Variants in FRMD3 observed in about 807,000 individuals in gnomAD.
The protein encoded by FRMD3 is FERM domain containing 3.
A neutral mutation model predicts 70.2 loss-of-function variants in FRMD3; 33 were observed. The observed-to-expected ratio is 0.47, with a 90% CI of 0.36 to 0.63. The LOEUF (loss-of-function observed/expected upper bound fraction) is 0.63, where lower values mean the gene tolerates loss of function less well. Ranked by LOEUF, FRMD3 falls within the 20% of genes least tolerant of loss-of-function variation. The pLI is 0.00. For missense variants in FRMD3, 632 were observed against 711.4 expected (o/e 0.89, Z 1.27); for synonymous variants, 279 against 255.9 (o/e 1.09, Z -0.86).
chr9:83,406,144 G>A (rs969587933), intron 1 of FRMD3, among the ~76,000 whole-genome samples: 1 of 152,018 alleles, frequency 6.6e-6, no homozygotes, highest in Non-Finnish European at 1.5e-5. Flanking sequence ...AGGAGTCTTC[G>A]GATCTCACAG....
chr9:83,314,417 T>A, intron 6 of FRMD3, among the ~76,000 whole-genome samples: 1 of 152,224 alleles, frequency 6.6e-6, no homozygotes, highest in East Asian at 1.9e-4. Flanking sequence ...CCTACATGTA[T>A]TTTAGAGAAT....
At chr9:83,353,506 C>G (rs1824233316) in intron 3 of FRMD3, among the ~76,000 whole-genome samples, 1 of 152,052 alleles carries the variant, frequency 6.6e-6, no homozygotes, top group Non-Finnish European at 1.5e-5. Context: ...CTTTTTATCC[C>G]CAGAGCTGAT....
At chr9:83,301,239 C>T (rs1275936987) in intron 10 of FRMD3, among the ~76,000 whole-genome samples, 4 of 152,130 alleles carry the variant, frequency 2.6e-5, no homozygotes, top group Non-Finnish European at 4.4e-5. Context: ...TGAGATGGTC[C>T]CAGCTGTGCC....
At position 83,351,389 on chromosome 9, in the gene FRMD3, C is replaced by A. The variant is rs1032707069; in HGVS notation, c.296-1632G>T. ...TTCATTCAACGCCCTACTTCCCTAC[C>A]AACAACTAGCAAAATTCTTAACTGA... On this transcript the variant is annotated intron_variant, in intron 3 of 13. Coordinates refer to ENST00000304195, the MANE Select transcript of FRMD3 (RefSeq NM_174938.6). Among the ~76,000 whole-genome samples, 6 of 148,622 alleles carry A rather than the reference C, an allele frequency of 4.0e-5. No homozygotes were observed. In the South Asian group the frequency reaches 8.5e-4, roughly 21 times the overall value.
At chr9:83,571,581 T>C in the FRMD3 span, among the ~76,000 whole-genome samples, 4 of 152,222 alleles carry the variant, frequency 2.6e-5, no homozygotes, top group East Asian at 7.7e-4. Flanking sequence ...AGATTTCAAG[T>C]AGACGGTTGG....
chr9:83,369,613 T>C (rs1824905046), intron 3 of FRMD3, among the ~76,000 whole-genome samples: 1 of 145,478 alleles, frequency 6.9e-6, no homozygotes, highest in African/African-American at 2.5e-5. Flanking sequence ...AATAAATAAA[T>C]AAATAAATAA....
chr9:83,544,414 C>T, the FRMD3 span, among the ~76,000 whole-genome samples: 1 of 152,166 alleles, frequency 6.6e-6, no homozygotes, highest in African/African-American at 2.4e-5. Flanking sequence ...CAGCTTGACT[C>T]AGCTTTGGCC....
chr9:83,268,965 A>C (rs1213598446), intron 13 of FRMD3, among the ~76,000 whole-genome samples: 2 of 152,244 alleles, frequency 1.3e-5, no homozygotes, highest in African/African-American at 4.8e-5. Context: ...TAAAACAGAT[A>C]GACTGACGCA....
At chr9:83,414,014 T>C (rs1400753576) in intron 1 of FRMD3, among the ~76,000 whole-genome samples, 1 of 152,152 alleles carries the variant, frequency 6.6e-6, no homozygotes. Context: ...TTGCTTCAGC[T>C]TCCAGAAAGC....
chr9:83,371,558 G>A (rs930058922), intron 3 of FRMD3, among the ~76,000 whole-genome samples: 2 of 152,194 alleles, frequency 1.3e-5, no homozygotes, highest in Non-Finnish European at 2.9e-5. Flanking sequence ...CTCCTGATCC[G>A]CCTGCCTCAC....
chr9:83,390,356 A>G (rs1057256613), intron 1 of FRMD3, among the ~76,000 whole-genome samples: 4 of 152,196 alleles, frequency 2.6e-5, no homozygotes, highest in African/African-American at 9.6e-5. Flanking sequence ...GAGAGTGGCA[A>G]TGCTGTGAGT....
At chr9:83,496,973 G>T (rs544089736) in intron 1 of FRMD3, among the ~76,000 whole-genome samples, 1 of 152,262 alleles carries the variant, frequency 6.6e-6, no homozygotes, top group South Asian at 2.1e-4. Context: ...AATTAGCCGG[G>T]TGTGGTGGCG....
chr9:83,338,938 C>T (rs1000819319), intron 5 of FRMD3, among the ~76,000 whole-genome samples: 2 of 152,114 alleles, frequency 1.3e-5, no homozygotes, highest in African/African-American at 4.8e-5. Context: ...TAGCTACAGG[C>T]ATTAATATTT....
intron 1 of FRMD3, among the ~76,000 whole-genome samples, chr9:83,398,746 A>G (rs1219266009): frequency 1.3e-5 from 2 of 152,264 alleles, no homozygotes; most frequent in Non-Finnish European, 1.5e-5. Context: ...AGCTAAGATA[A>G]TTGCAAATAC....
intron 6 of FRMD3, among the ~76,000 whole-genome samples, chr9:83,320,504 C>T (rs181131432): frequency 3.3e-5 from 5 of 151,816 alleles, no homozygotes; most frequent in Non-Finnish European, 5.9e-5. Flanking sequence ...ATAAATCCCA[C>T]CTGATCATGG....
chr9:83,367,140 A>T (rs1176829519), intron 3 of FRMD3, among the ~76,000 whole-genome samples: 2 of 152,224 alleles, frequency 1.3e-5, no homozygotes, highest in African/African-American at 4.8e-5. Flanking sequence ...AAAATATGCA[A>T]TTCAGTTAAC....
the FRMD3 span, among the ~76,000 whole-genome samples, chr9:83,563,165 AGTTCAGGGG>A: frequency 2.6e-5 from 4 of 152,182 alleles, no homozygotes; most frequent in African/African-American, 4.8e-5. Flanking sequence ...GCACCTTCCC[AGTTCAGGGG>A]CTTCCCAAGT....
At chr9:83,405,057 G>A (rs1052962413) in intron 1 of FRMD3, among the ~76,000 whole-genome samples, 2 of 152,180 alleles carry the variant, frequency 1.3e-5, no homozygotes, top group Non-Finnish European at 2.9e-5. Context: ...AGAGAAGGAA[G>A]AGACGATGGG....
chr9:83,308,551 T>C (rs910303273), intron 10 of FRMD3, among the ~76,000 whole-genome samples: 15 of 152,150 alleles, frequency 9.9e-5, no homozygotes. Context: ...GGGTGTACAG[T>C]GCTGATGGCC....
Sources: allele counts gnomAD v4.1 joint callset (sites outside exome capture counted in the v4.1 genomes callset), GRCh38; gene constraint gnomAD v4.1.1; transcripts MANE v1.5; gene names NCBI Gene and HGNC (gene_info 2026-07-23, HGNC 2026-07-21).